The following PTPRK variants were observed in gnomAD, a reference collection of about 807,000 sequenced individuals.
PTPRK encodes the protein receptor-type tyrosine-protein phosphatase kappa.
PTPRK carries 75 observed loss-of-function variants against 178.0 expected under a neutral mutation model. The ratio of observed to expected loss-of-function variants is 0.42; its 90% CI spans 0.35 to 0.51. PTPRK has a LOEUF of 0.51. Ranked by LOEUF, PTPRK falls within the 20% of genes least tolerant of loss-of-function variation. The probability of loss-of-function intolerance (pLI) is 0.02; values close to 1 mark genes in which losing one functional copy is unlikely to be tolerated. For synonymous variants in PTPRK, 637 were observed against 620.6 expected (o/e 1.03, Z -0.39); for missense variants, 1,441 against 1,797.8 (o/e 0.80, Z 3.59).
chr6:128,445,369 TA>T (rs1562536507), intron 1 of PTPRK, among the ~76,000 whole-genome samples: 2 of 147,932 alleles, frequency 1.4e-5, no homozygotes, highest in Non-Finnish European at 1.5e-5. Flanking sequence ...CACTTACATA[TA>T]AAGTATATTT....
intron 7 of PTPRK, among the ~76,000 whole-genome samples, chr6:128,108,535 G>C (rs779707707): frequency 6.6e-6 from 1 of 152,096 alleles, no homozygotes; most frequent in Non-Finnish European, 1.5e-5. Context: ...TAGTACCTCT[G>C]GTGAGGTACC....
chr6:127,981,423 C>G lies in PTPRK; in HGVS notation c.3538-134G>C, dbSNP rs1202698730. On this transcript the variant is annotated intron_variant, in intron 24 of 29. Coordinates refer to ENST00000368226, the MANE Select transcript of PTPRK (RefSeq NM_002844.4). ...GAGGCAATGGCATTTGCTACTATGA[C>G]AGGCTGATAGACCTTGTAGTTAAAG... The G allele has an allele frequency of 4.1e-6, 3 of 728,472 alleles. No individual in the cohort carries two copies. In the African/African-American group the frequency reaches 5.3e-5, roughly 13 times the overall value. 45.1% of individuals were successfully genotyped at this position (728,472 alleles called of 1,614,324 possible). A position where few individuals can be genotyped will look rare whatever the true frequency, so the allele number is the denominator to read the frequency against.
In PTPRK at chr6:128,300,029, A is replaced by G. The variant is rs576086871; in HGVS notation, c.495+22010T>C. On this transcript the variant is annotated intron_variant, in intron 3 of 29. Transcript: ENST00000368226. ...ATGAACTCAAACAAATTTACAAGAA[A>G]AAAACAAACAACCCCAACAAAAAGT... Among the ~76,000 whole-genome samples the G allele has an allele frequency of 5.9e-3, 897 of 152,330 alleles. 11 individuals carry two copies. The highest frequency in any genetic ancestry group is 0.021 in the African/African-American group (857 of 41,556).
intron 7 of PTPRK, among the ~76,000 whole-genome samples, chr6:128,154,345 G>C (rs1290692334): frequency 6.6e-6 from 1 of 151,650 alleles, no homozygotes; most frequent in Admixed American, 6.6e-5. Context: ...AAAAAATTGA[G>C]CAAAATTCAG....
intron 7 of PTPRK, among the ~76,000 whole-genome samples, chr6:128,126,071 T>G (rs542636548): frequency 6.6e-6 from 1 of 151,974 alleles, no homozygotes. Flanking sequence ...TTTTTTTTTT[T>G]AAAGTTCTGG....
At chr6:128,027,597 T>C (rs1774529394) in intron 13 of PTPRK, among the ~76,000 whole-genome samples, 1 of 152,072 alleles carries the variant, frequency 6.6e-6, no homozygotes, top group Admixed American at 6.6e-5. Flanking sequence ...AGGCTTGTTG[T>C]ATGTTTTTTT....
In PTPRK at chr6:127,985,741, G is replaced by T. The variant is rs766276043; in HGVS notation, c.3231C>A (p.Gly1077=). The change falls in exon 22 of 30, where the codon GGC becomes GGA. Residue 1077 remains glycine (G), a synonymous_variant. Transcript: ENST00000368226. ...CTTACCTGCAATGTACAACGATGGG[G>T]CCAGCACTGGGAGGGTTTGATAACT... The part of the protein sequence containing the change: ...RVKLSNPPSA[G]PIVVHCSAGA... 1.5e-5 allele frequency: 25 copies of T among 1,613,552 alleles called. No homozygotes were observed. The highest frequency in any genetic ancestry group is 1.6e-4 in the Middle Eastern group (1 of 6,076).
chr6:128,431,423 T>TA (rs1488288986), intron 1 of PTPRK, among the ~76,000 whole-genome samples: 1 of 152,170 alleles, frequency 6.6e-6, no homozygotes, highest in South Asian at 2.1e-4. Context: ...ATGTCTTTTT[T>TA]AATAAATAAA....
At position 128,190,982 on chromosome 6, in the gene PTPRK, G is replaced by A. The variant is rs570253159; in HGVS notation, c.869-6257C>T. On this transcript the variant is annotated intron_variant, in intron 6 of 29. Transcript: ENST00000368226. ...CTACCATCTCTATGAAAATTCGATT[G>A]GTGTCTGCATATAGCTATGATGAAC... Among the ~76,000 whole-genome samples the A allele has an allele frequency of 1.1e-4, 16 of 152,252 alleles. No homozygotes were observed. The East Asian group carries it at 2.9e-3, about 28-fold the overall frequency.
At chr6:128,194,186 T>C (rs1804463824) in intron 6 of PTPRK, among the ~76,000 whole-genome samples, 2 of 151,274 alleles carry the variant, frequency 1.3e-5, no homozygotes, top group South Asian at 2.1e-4. Context: ...CCTGGGTTCA[T>C]GCCATTCTCC....
chr6:128,494,538 T>TA lies in PTPRK; in HGVS notation c.100+25720dup, dbSNP rs559503803. 1.3e-3 allele frequency among the ~76,000 whole-genome samples: 191 copies of TA among 150,418 alleles called. 1 individual carries two copies. Among genetic ancestry groups the TA allele is most frequent in the African/African-American group, 1.3e-3 (54 of 41,002 alleles). ...GAGTACTCAGCGGGAGCACTGCAGT[T>TA]AAAAAAAAACACTTTTGTTTCCCTG... On this transcript the variant is annotated intron_variant, in intron 1 of 29. Transcript: ENST00000368226.
intron 1 of PTPRK, among the ~76,000 whole-genome samples, chr6:128,511,413 G>A (rs1857170178): frequency 6.6e-6 from 1 of 152,220 alleles, no homozygotes; most frequent in African/African-American, 2.4e-5. Context: ...AACAAGATCA[G>A]TGGATTCAAG....
chr6:127,989,011 C>A (rs1285228356), intron 21 of PTPRK, among the ~76,000 whole-genome samples: 3 of 151,994 alleles, frequency 2.0e-5, no homozygotes, highest in Admixed American at 1.3e-4. Flanking sequence ...TTGAGGAAAT[C>A]ATTCAAGGAT....
At chr6:128,124,410 A>T (rs1414893495) in intron 7 of PTPRK, among the ~76,000 whole-genome samples, 1 of 152,162 alleles carries the variant, frequency 6.6e-6, no homozygotes, top group Non-Finnish European at 1.5e-5. Context: ...TATCTGTTTA[A>T]CACATTAGAT....
chr6:128,184,714 G>A lies in PTPRK; in HGVS notation c.880C>T (p.Pro294Ser), dbSNP rs374539512. The change falls in exon 7 of 30, where the codon CCC (proline) becomes TCC (serine). Residue 294 changes from proline to serine, a missense_variant. Physicochemically the swap from Pro to Ser is moderately conservative, Grantham distance 74 (BLOSUM62 -1). Coordinates refer to ENST00000368226, the MANE Select transcript of PTPRK (RefSeq NM_002844.4). ...CCAAGAAGCTGAGGAGGAGCAATGGGTCTTGGCGGTTCTAGGAGAGATGAG... is the reference window on the plus strand; with the variant it reads ...CCAAGAAGCTGAGGAGGAGCAATGGATCTTGGCGGTTCTAGGAGAGATGAG... ...AQLIVREPPR[P>S]IAPPQLLGVG... The A allele has an allele frequency of 1.2e-6, 2 of 1,613,652 alleles. No homozygotes were observed. Among genetic ancestry groups the A allele is most frequent in the Admixed American group, 3.3e-5 (2 of 59,958 alleles).
At chr6:127,985,998 T>A in intron 21 of PTPRK, 123 bp from the exon 22 acceptor site, 1 of 910,518 alleles carries the variant, frequency 1.1e-6, no homozygotes, top group Non-Finnish European at 1.5e-6. Context: ...TACGAAAGAC[T>A]ATGCCTTTTC....
intron 21 of PTPRK, among the ~76,000 whole-genome samples, chr6:127,988,215 A>AAGAGAGGAAGAGG (rs1776193828): frequency 1.2e-5 from 1 of 80,136 alleles, no homozygotes; most frequent in South Asian, 4.0e-4. Context: ...AGAGGAAGAG[A>AAGAGAGGAAGAGG]GAGAAGAAAG....
intron 1 of PTPRK, among the ~76,000 whole-genome samples, chr6:128,438,216 G>C (rs182819731): frequency 7.8e-4 from 119 of 152,348 alleles, no homozygotes; most frequent in African/African-American, 2.8e-3. Flanking sequence ...TTGCCTGTAG[G>C]TGACCTCCAC....
At chr6:128,498,887 T>A (rs1350815208) in intron 1 of PTPRK, among the ~76,000 whole-genome samples, 1 of 152,104 alleles carries the variant, frequency 6.6e-6, no homozygotes, top group Non-Finnish European at 1.5e-5. Context: ...TGATTGGAGG[T>A]TTTGTGTATC....
Sources: allele counts gnomAD v4.1 joint callset (sites outside exome capture counted in the v4.1 genomes callset), GRCh38; gene constraint gnomAD v4.1.1; transcripts MANE v1.5; gene names NCBI Gene and HGNC (gene_info 2026-07-23, HGNC 2026-07-21).